GUCY1A2: variants seen among roughly 807,000 people sequenced by gnomAD.
The protein encoded by GUCY1A2 is guanylate cyclase 1 soluble subunit alpha 2.
Under a neutral mutation model 63.5 loss-of-function variants are expected in GUCY1A2, and 27 were observed. That is an observed-to-expected ratio of 0.43 (90% confidence interval 0.31 to 0.59). The LOEUF is 0.59. Ranked by LOEUF, GUCY1A2 falls within the 20% of genes least tolerant of loss-of-function variation. GUCY1A2 has a pLI of 0.11. For missense variants in GUCY1A2, 768 were observed against 913.3 expected (o/e 0.84, Z 2.05); for synonymous variants, 364 against 343.5 (o/e 1.06, Z -0.66).
intron 6 of GUCY1A2, among the ~76,000 whole-genome samples, chr11:106,755,737 C>T (rs1028475333): frequency 2.0e-5 from 3 of 152,078 alleles, no homozygotes; most frequent in Admixed American, 6.6e-5. Flanking sequence ...TCTGTTCTTT[C>T]ACATTTCCTG....
At chr11:106,704,855 A>G (rs1205553532) in intron 7 of GUCY1A2, among the ~76,000 whole-genome samples, 2 of 150,680 alleles carry the variant, frequency 1.3e-5, no homozygotes, top group Admixed American at 1.3e-4. Flanking sequence ...TAAAATATAT[A>G]TTATATGCAG....
chr11:106,768,491 A>G (rs1398130886), intron 6 of GUCY1A2, among the ~76,000 whole-genome samples: 1 of 152,148 alleles, frequency 6.6e-6, no homozygotes, highest in Non-Finnish European at 1.5e-5. Context: ...TATAAATGTT[A>G]TTTAACATGC....
chr11:106,951,089 G>A (rs995444757), intron 3 of GUCY1A2, among the ~76,000 whole-genome samples: 1 of 152,152 alleles, frequency 6.6e-6, no homozygotes, highest in Non-Finnish European at 1.5e-5. Context: ...TTTTATGGCT[G>A]CATTTTATTC....
chr11:106,736,722 G>A (rs1439176065), intron 6 of GUCY1A2, among the ~76,000 whole-genome samples: 1 of 152,106 alleles, frequency 6.6e-6, no homozygotes, highest in Non-Finnish European at 1.5e-5. Context: ...GCTTTGGGTA[G>A]TATGAACATT....
chr11:106,865,142 G>A (rs1046505258), intron 4 of GUCY1A2, among the ~76,000 whole-genome samples: 3 of 151,918 alleles, frequency 2.0e-5, no homozygotes, highest in African/African-American at 4.8e-5. Context: ...TATGTGTCCA[G>A]GAATTTATTC....
intron 4 of GUCY1A2, among the ~76,000 whole-genome samples, chr11:106,872,794 C>G (rs1859698161): frequency 6.6e-6 from 1 of 152,152 alleles, no homozygotes; most frequent in African/African-American, 2.4e-5. Context: ...TCTTTTTTTT[C>G]TTTTTTAAAA....
chr11:106,753,689 C>A (rs146648180), intron 6 of GUCY1A2, among the ~76,000 whole-genome samples: 6 of 152,152 alleles, frequency 3.9e-5, no homozygotes, highest in Admixed American at 3.3e-4. Context: ...ATTTCTGAGG[C>A]CTCTGTTCTG....
chr11:106,931,405 G>A lies in GUCY1A2; in HGVS notation c.1206+8055C>T, dbSNP rs138981330. Among the ~76,000 whole-genome samples the A allele has an allele frequency of 4.7e-3, 708 of 152,240 alleles. 7 individuals are homozygous for A. Among genetic ancestry groups the A allele is most frequent in the African/African-American group, 0.016 (645 of 41,538 alleles). Reference sequence around the variant, plus strand: ...AACCTTCTTACGCTGCCAGTCAAATGGGAAATGGCATAAGCTCTTTGAAAA... The same window carrying A: ...AACCTTCTTACGCTGCCAGTCAAATAGGAAATGGCATAAGCTCTTTGAAAA... On this transcript the variant is annotated intron_variant, in intron 4 of 7. Transcript: ENST00000526355.
At chr11:106,858,984 T>C (rs1166787736) in intron 4 of GUCY1A2, among the ~76,000 whole-genome samples, 1 of 152,098 alleles carries the variant, frequency 6.6e-6, no homozygotes, top group African/African-American at 2.4e-5. Flanking sequence ...GATGCCTTGA[T>C]CACATATAAG....
intron 3 of GUCY1A2, among the ~76,000 whole-genome samples, chr11:106,941,071 G>T (rs1282725613): frequency 6.6e-6 from 1 of 152,038 alleles, no homozygotes; most frequent in East Asian, 1.9e-4. Flanking sequence ...CTAGACCTCA[G>T]GGAAAAGGAG....
At chr11:106,732,655 A>G (rs1253958517) in intron 6 of GUCY1A2, among the ~76,000 whole-genome samples, 2 of 152,218 alleles carry the variant, frequency 1.3e-5, no homozygotes, top group African/African-American at 2.4e-5. Context: ...TGTTTAGTAG[A>G]ATTGGATTTA....
chr11:106,789,484 G>A lies in GUCY1A2; in HGVS notation c.1693-12902C>T, dbSNP rs867927744. On this transcript the variant is annotated intron_variant, in intron 5 of 7. Transcript: ENST00000526355. ...TATCTCTGTTTCTCCAGGATTAGTC[G>A]CTGGTGCTTTATTTCGTTCATTTGG... 1.5e-4 allele frequency among the ~76,000 whole-genome samples: 23 copies of A among 152,180 alleles called. 1 individual carries two copies. The South Asian group carries it at 1.7e-3, about 11-fold the overall frequency.
chr11:106,786,545 G>A (rs568994880), intron 5 of GUCY1A2, among the ~76,000 whole-genome samples: 17 of 152,286 alleles, frequency 1.1e-4, no homozygotes, highest in Non-Finnish European at 2.4e-4. Flanking sequence ...AATGTCCATC[G>A]TGTGGAAAAT....
At chr11:106,984,461 A>T (rs1861376096) in intron 2 of GUCY1A2, among the ~76,000 whole-genome samples, 1 of 152,078 alleles carries the variant, frequency 6.6e-6, no homozygotes, top group Admixed American at 6.6e-5. Flanking sequence ...TGGAGAAAAA[A>T]CTTTTCTGAT....
intron 6 of GUCY1A2, among the ~76,000 whole-genome samples, chr11:106,734,660 CA>C (rs1252560233): frequency 2.0e-5 from 3 of 151,994 alleles, no homozygotes; most frequent in Admixed American, 1.3e-4. Flanking sequence ...AAGTTATTGC[CA>C]AAGTTCCTCA....
chr11:106,911,616 G>T (rs1239185536), intron 4 of GUCY1A2, among the ~76,000 whole-genome samples: 1 of 151,926 alleles, frequency 6.6e-6, no homozygotes, highest in African/African-American at 2.4e-5. Context: ...GAGATATAAG[G>T]CCTGAGAGTT....
intron 6 of GUCY1A2, among the ~76,000 whole-genome samples, chr11:106,721,955 C>T (rs1863324281): frequency 1.3e-5 from 2 of 152,132 alleles, no homozygotes; most frequent in Non-Finnish European, 2.9e-5. Flanking sequence ...AGAACCATTA[C>T]CTTAAGTTTC....
chr11:106,978,832 T>A, intron 2 of GUCY1A2, 92 bp from the exon 3 acceptor site: 1 of 738,798 alleles, frequency 1.4e-6, no homozygotes. Flanking sequence ...ACGCAGTCTA[T>A]GCTTTCATCA....
chr11:106,835,759 C>G (rs1344444599), intron 4 of GUCY1A2, among the ~76,000 whole-genome samples: 1 of 151,830 alleles, frequency 6.6e-6, no homozygotes, highest in African/African-American at 2.4e-5. Flanking sequence ...TAACTGTCAT[C>G]CTAGTGTGGT....
Sources: allele counts gnomAD v4.1 joint callset (sites outside exome capture counted in the v4.1 genomes callset), GRCh38; gene constraint gnomAD v4.1.1; transcripts MANE v1.5; gene names NCBI Gene and HGNC (gene_info 2026-07-23, HGNC 2026-07-21).